Variants in FOXP1 observed in about 807,000 individuals in gnomAD.
FOXP1 encodes forkhead box P1.
In FOXP1, 15 loss-of-function variants were observed where a neutral mutation model predicts 98.2. The ratio of observed to expected loss-of-function variants is 0.15; its 90% confidence interval spans 0.10 to 0.24. FOXP1 has a LOEUF of 0.24. Ranked by LOEUF, FOXP1 falls within the 10% of genes least tolerant of loss-of-function variation. FOXP1 has a pLI of 1.00. For missense variants in FOXP1, 633 were observed against 848.5 expected, an observed-to-expected ratio of 0.75 and a Z score of 3.15; for synonymous variants, 371 against 314.5, an observed-to-expected ratio of 1.18 and a Z score of -1.90.
At chr3:71,079,565 T>G (rs2054192301) in intron 7 of FOXP1, among the ~76,000 whole-genome samples, 1 of 152,214 alleles carries the variant, frequency 6.6e-6, no homozygotes, top group Non-Finnish European at 1.5e-5. Context: ...TGTGATCAGT[T>G]TTCTAAATGT....
chr3:71,340,347 T>C (rs1288701), intron 4 of FOXP1, among the ~76,000 whole-genome samples: 82,778 of 152,046 alleles, frequency 0.54, 23,997 homozygotes, highest in East Asian at 0.83. Context: ...TGGAGATGTT[T>C]GACAGATACT....
At chr3:71,452,429 T>G (rs767576690) in intron 3 of FOXP1, among the ~76,000 whole-genome samples, 1 of 152,196 alleles carries the variant, frequency 6.6e-6, no homozygotes, top group Admixed American at 6.5e-5. Context: ...TATTTTCTAA[T>G]GACGTGGCAA....
At chr3:71,005,020 T>C (rs2042587235) in intron 12 of FOXP1, among the ~76,000 whole-genome samples, 1 of 152,132 alleles carries the variant, frequency 6.6e-6, no homozygotes, top group Admixed American at 6.6e-5. Context: ...CGTTGGCATG[T>C]GTCATTTTTC....
chr3:71,576,709 C>A (rs2047745705), intron 2 of FOXP1, among the ~76,000 whole-genome samples: 1 of 152,146 alleles, frequency 6.6e-6, no homozygotes, highest in Admixed American at 6.5e-5. Context: ...CTACCAATAA[C>A]CTTAAATTAT....
chr3:71,248,369 G>A lies in FOXP1; in HGVS notation c.-11-49977C>T, dbSNP rs556322715. On this transcript the variant is annotated intron_variant, in intron 5 of 20. Transcript: ENST00000649528. ...GCCATGCTCTCTTCCTGCTAATAAT[G>A]GAGTTGGAAAAAGAAGTCAGGACCC... is the stretch of plus-strand genomic sequence containing the variant. Among the ~76,000 whole-genome samples, 21 of 152,198 alleles carry A rather than the reference G, an allele frequency of 1.4e-4. No homozygotes were observed. In the East Asian group the frequency reaches 4.1e-3, roughly 29 times the overall value.
chr3:71,130,423 G>A, intron 6 of FOXP1: 1 of 1,447,490 alleles, frequency 6.9e-7, no homozygotes, highest in South Asian at 1.2e-5. Context: ...TTCAGAGAAT[G>A]TCTGCACAAG....
At chr3:71,053,430 C>T (rs978613143) in intron 8 of FOXP1, among the ~76,000 whole-genome samples, 1 of 152,180 alleles carries the variant, frequency 6.6e-6, no homozygotes, top group African/African-American at 2.4e-5. Flanking sequence ...GGCCCAAACA[C>T]TAGTCACCAT....
chr3:70,976,324 G>C (rs2037516402), intron 17 of FOXP1, among the ~76,000 whole-genome samples: 1 of 151,988 alleles, frequency 6.6e-6, no homozygotes, highest in Non-Finnish European at 1.5e-5. Context: ...AAAGTGCTGG[G>C]ATTATAGGCA....
intron 14 of FOXP1, among the ~76,000 whole-genome samples, chr3:70,980,215 T>C (rs1490053771): frequency 6.6e-6 from 1 of 152,148 alleles, no homozygotes; most frequent in African/African-American, 2.4e-5. Flanking sequence ...TGACCTCTTC[T>C]TCACCTCGGG....
At chr3:70,965,644 G>C (rs139808335) in intron 20 of FOXP1, among the ~76,000 whole-genome samples, 17 of 152,060 alleles carry the variant, frequency 1.1e-4, no homozygotes, top group Non-Finnish European at 2.5e-4. Context: ...ATAAAGCAGA[G>C]GGAAAAAAAG....
chr3:71,234,375 C>A (rs933014021), intron 5 of FOXP1, among the ~76,000 whole-genome samples: 2 of 152,176 alleles, frequency 1.3e-5, no homozygotes, highest in Non-Finnish European at 2.9e-5. Context: ...AATGGACAAG[C>A]CAAGAGTACC....
chr3:71,125,193 A>G (rs775885734), intron 6 of FOXP1, among the ~76,000 whole-genome samples: 3 of 152,222 alleles, frequency 2.0e-5, no homozygotes, highest in African/African-American at 4.8e-5. Context: ...GATACTATCA[A>G]TGAAGAAAAT....
intron 11 of FOXP1, among the ~76,000 whole-genome samples, chr3:71,022,705 G>A (rs537898585): frequency 8.5e-5 from 13 of 152,218 alleles, no homozygotes; most frequent in African/African-American, 3.1e-4. Flanking sequence ...CAGGAATCCT[G>A]CGAGTCCTTT....
At chr3:71,543,224 G>A (rs2045026605) in intron 2 of FOXP1, among the ~76,000 whole-genome samples, 1 of 152,188 alleles carries the variant, frequency 6.6e-6, no homozygotes, top group Non-Finnish European at 1.5e-5. Flanking sequence ...CAATAAGAGG[G>A]AAGGGAATAA....
chr3:71,344,160 G>A (rs1237046158), intron 4 of FOXP1, among the ~76,000 whole-genome samples: 1 of 152,194 alleles, frequency 6.6e-6, no homozygotes, highest in Non-Finnish European at 1.5e-5. Context: ...TACTAAGAAT[G>A]TTCCAGGACC....
chr3:71,539,567 GGA>G (rs2044625106), intron 2 of FOXP1, among the ~76,000 whole-genome samples: 1 of 151,476 alleles, frequency 6.6e-6, no homozygotes, highest in Admixed American at 6.6e-5. Flanking sequence ...AGATCAACAT[GGA>G]GAGTGCCACC....
intron 3 of FOXP1, among the ~76,000 whole-genome samples, chr3:71,393,465 A>C (rs979856930): frequency 6.6e-6 from 1 of 152,154 alleles, no homozygotes; most frequent in Admixed American, 6.5e-5. Context: ...TGCCTCTCTA[A>C]TATCATGTAC....
chr3:71,104,653 T>A (rs962357245), intron 7 of FOXP1, among the ~76,000 whole-genome samples: 1 of 152,166 alleles, frequency 6.6e-6, no homozygotes, highest in Non-Finnish European at 1.5e-5. Context: ...TAATTTATTT[T>A]AAAGAATTTT....
chr3:70,981,718 A>G (rs1320962556), intron 14 of FOXP1, among the ~76,000 whole-genome samples: 1 of 152,208 alleles, frequency 6.6e-6, no homozygotes, highest in Non-Finnish European at 1.5e-5. Context: ...GCCAAGTCTC[A>G]ATAGAGGAGC....
Sources: gnomAD v4.1 joint callset for allele counts (sites outside exome capture counted in the v4.1 genomes callset) on GRCh38, gnomAD v4.1.1 for gene constraint, MANE v1.5 for transcripts, NCBI Gene and HGNC (gene_info 2026-07-23, HGNC 2026-07-21) for gene names.